The following FAM81A variants were observed in gnomAD, a reference collection of about 807,000 sequenced individuals.
FAM81A encodes protein FAM81A.
Under a neutral mutation model 46.7 loss-of-function variants are expected in FAM81A, and 19 were observed. The ratio of observed to expected loss-of-function variants is 0.41; its 90% CI spans 0.28 to 0.60. The LOEUF is 0.60. FAM81A is among the 20% of genes least tolerant of loss of function. FAM81A has a pLI of 0.34. For missense variants in FAM81A, 377 were observed against 453.5 expected (o/e 0.83, Z 1.53); for synonymous variants, 183 against 152.9 (o/e 1.20, Z -1.45).
intron 8 of FAM81A, among the ~76,000 whole-genome samples, chr15:59,520,269 G>A (rs916401610): frequency 5.9e-5 from 9 of 152,054 alleles, no homozygotes; most frequent in Non-Finnish European, 1.3e-4. Context: ...GTGTACAAGT[G>A]TTCCCCTTTC....
At chr15:59,519,254 T>C (rs2082301143) in intron 8 of FAM81A, among the ~76,000 whole-genome samples, 1 of 151,902 alleles carries the variant, frequency 6.6e-6, no homozygotes, top group African/African-American at 2.4e-5. Context: ...AGTGGTGCAG[T>C]CTCGGCTGAC....
intron 2 of FAM81A, among the ~76,000 whole-genome samples, chr15:59,430,837 C>G (rs1229286736): frequency 6.6e-6 from 1 of 152,088 alleles, no homozygotes; most frequent in Non-Finnish European, 1.5e-5. Flanking sequence ...TTGTTCCAAA[C>G]CAAGCAATAG....
upstream of FAM81A, among the ~76,000 whole-genome samples, chr15:59,434,847 C>G (rs2081236095): frequency 1.3e-5 from 2 of 152,244 alleles, no homozygotes; most frequent in Non-Finnish European, 2.9e-5. Flanking sequence ...CTTATAAACA[C>G]CACGTTGACC....
intron 1 of FAM81A, among the ~76,000 whole-genome samples, chr15:59,443,309 T>C (rs2081320721): frequency 2.6e-5 from 4 of 152,204 alleles, no homozygotes. Context: ...CTTGAACTCC[T>C]GACCTCAGGT....
intron 4 of FAM81A, among the ~76,000 whole-genome samples, chr15:59,496,335 G>A (rs1429549493): frequency 2.0e-5 from 3 of 152,190 alleles, no homozygotes; most frequent in African/African-American, 4.8e-5. Flanking sequence ...GGCCGGGAGC[G>A]GTGGCTCACG....
chr15:59,497,087 C>A (rs1344843626), intron 4 of FAM81A, among the ~76,000 whole-genome samples: 1 of 151,354 alleles, frequency 6.6e-6, no homozygotes, highest in East Asian at 1.9e-4. Flanking sequence ...CCACTGCACT[C>A]CAGCCTGGGT....
At chr15:59,454,800 T>A (rs1596483832) in intron 1 of FAM81A, among the ~76,000 whole-genome samples, 2 of 151,668 alleles carry the variant, frequency 1.3e-5, no homozygotes, top group East Asian at 1.9e-4. Flanking sequence ...TAATTTTTTT[T>A]ATTTTTTTTT....
At chr15:59,474,864 A>G (rs750188652) in intron 3 of FAM81A, among the ~76,000 whole-genome samples, 3 of 152,150 alleles carry the variant, frequency 2.0e-5, no homozygotes, top group Non-Finnish European at 2.9e-5. Context: ...TCTCTTTTCT[A>G]CTTTACCTCT....
At chr15:59,409,738 A>G (rs1221519538) in intron 2 of FAM81A, among the ~76,000 whole-genome samples, 1 of 152,188 alleles carries the variant, frequency 6.6e-6, no homozygotes, top group Admixed American at 6.5e-5. Context: ...ACCATGCACT[A>G]TATGCTATAC....
intron 4 of FAM81A, among the ~76,000 whole-genome samples, chr15:59,495,394 G>A (rs1304808009): frequency 6.6e-6 from 1 of 152,176 alleles, no homozygotes; most frequent in Non-Finnish European, 1.5e-5. Context: ...ACCTCATTGT[G>A]TACTGCATTT....
At chr15:59,510,596 A>G (rs982578697) in intron 6 of FAM81A, among the ~76,000 whole-genome samples, 1 of 151,760 alleles carries the variant, frequency 6.6e-6, no homozygotes, top group Non-Finnish European at 1.5e-5. Context: ...CAGTGGAAAA[A>G]TAAAGATGTT....
intron 1 of FAM81A, chr15:59,402,120 A>T (rs941270746): frequency 5.5e-5 from 20 of 362,862 alleles, no homozygotes; most frequent in African/African-American, 4.3e-4. Flanking sequence ...GAGTGATTTT[A>T]TATTAACTTT....
At chr15:59,457,498 A>G (rs1182617039) in intron 1 of FAM81A, among the ~76,000 whole-genome samples, 3 of 152,208 alleles carry the variant, frequency 2.0e-5, no homozygotes, top group Non-Finnish European at 4.4e-5. Flanking sequence ...AATAGTATAT[A>G]TAGGCTTCGG....
intron 1 of FAM81A, among the ~76,000 whole-genome samples, chr15:59,398,440 C>G (rs1244429796): frequency 2.0e-5 from 3 of 152,100 alleles, no homozygotes; most frequent in African/African-American, 4.8e-5. Context: ...GTGCAAAATA[C>G]CTAATAGCTC....
rs765473532 is a variant in FAM81A at position 59,521,422 on chromosome 15, G to A, written c.*44G>A. ...CCTAAAAGACAGTTTTGCCAGTGGG[G>A]CTAGGAGCCGGATACCTCTGTAGCC... On this transcript the variant is annotated 3_prime_UTR_variant, in exon 9 of 9. Transcript: ENST00000288228. 6.4e-7 allele frequency: 1 copy of A among 1,552,648 alleles called. No homozygotes were observed. Among genetic ancestry groups the A allele is most frequent in the Non-Finnish European group, 8.7e-7 (1 of 1,147,458 alleles).
chr15:59,453,365 A>G (rs1239341102), intron 1 of FAM81A, among the ~76,000 whole-genome samples: 1 of 152,176 alleles, frequency 6.6e-6, no homozygotes, highest in Non-Finnish European at 1.5e-5. Flanking sequence ...TACTTTACAA[A>G]TGATTGTGAG....
chr15:59,427,358 G>C (rs1033319525), intron 2 of FAM81A, among the ~76,000 whole-genome samples: 2 of 146,518 alleles, frequency 1.4e-5, no homozygotes, highest in African/African-American at 5.0e-5. Flanking sequence ...TGATTTGCTT[G>C]TCTCAGCCTC....
At chr15:59,464,940 A>G (rs2081594466) in intron 3 of FAM81A, among the ~76,000 whole-genome samples, 1 of 152,118 alleles carries the variant, frequency 6.6e-6, no homozygotes, top group Admixed American at 6.5e-5. Context: ...TAGTTTTATC[A>G]TGTTGGGCCT....
intron 3 of FAM81A, among the ~76,000 whole-genome samples, chr15:59,478,250 A>ACTTTAGTT (rs1268897378): frequency 6.6e-6 from 1 of 152,192 alleles, no homozygotes; most frequent in Non-Finnish European, 1.5e-5. Context: ...CATGTGCTCA[A>ACTTTAGTT]CTTCATGATG....
Sources: allele counts gnomAD v4.1 joint callset (sites outside exome capture counted in the v4.1 genomes callset), GRCh38; gene constraint gnomAD v4.1.1; transcripts MANE v1.5; gene names NCBI Gene and HGNC (gene_info 2026-07-23, HGNC 2026-07-21).